Variants in CHEK1 observed in about 807,000 individuals in gnomAD.
CHEK1 encodes serine/threonine-protein kinase Chk1.
CHEK1 carries 32 observed loss-of-function variants against 60.2 expected under a neutral mutation model. That is an observed-to-expected ratio of 0.53 (90% CI 0.40 to 0.71). CHEK1 has a LOEUF of 0.71. Ranked by LOEUF, CHEK1 falls within the 30% of genes least tolerant of loss-of-function variation. The pLI is 0.00. For missense variants in CHEK1, 399 were observed against 564.6 expected (o/e 0.71, Z 2.97); for synonymous variants, 179 against 187.2 (o/e 0.96, Z 0.36).
chr11:125,642,819 AT>A (rs1281720061), intron 8 of CHEK1: 1 of 152,140 alleles, frequency 6.6e-6, no homozygotes, highest in Non-Finnish European at 1.5e-5. Flanking sequence ...TAATGGCTTT[AT>A]TTTTTCTCTG....
chr11:125,669,766 C>T (rs1251555873), intron 13 of CHEK1, among the ~76,000 whole-genome samples: 1 of 151,876 alleles, frequency 6.6e-6, no homozygotes, highest in Non-Finnish European at 1.5e-5. Flanking sequence ...CCTCGTGATC[C>T]ACCCGCCTCG....
chr11:125,630,169 C>T (rs1213227272), intron 5 of CHEK1, among the ~76,000 whole-genome samples: 1 of 152,138 alleles, frequency 6.6e-6, no homozygotes, highest in African/African-American at 2.4e-5. Flanking sequence ...TTCTGAATGT[C>T]ATCAAATTGA....
intron 11 of CHEK1, among the ~76,000 whole-genome samples, chr11:125,650,951 A>G (rs999729744): frequency 4.6e-5 from 7 of 152,164 alleles, no homozygotes; most frequent in South Asian, 2.1e-4. Flanking sequence ...AGCCTTCGCT[A>G]TCTGCTTGTG....
chr11:125,640,608 C>T (rs1041836746), intron 8 of CHEK1, among the ~76,000 whole-genome samples: 1 of 151,854 alleles, frequency 6.6e-6, no homozygotes, highest in Non-Finnish European at 1.5e-5. Context: ...CTCGCTCTGT[C>T]GCCCAGACTG....
downstream of CHEK1, among the ~76,000 whole-genome samples, chr11:125,657,581 TAATA>T (rs1941942747): frequency 6.6e-6 from 1 of 152,234 alleles, no homozygotes; most frequent in Non-Finnish European, 1.5e-5. Context: ...TATTTTTAAT[TAATA>T]TGGTTTTTAT....
intron 8 of CHEK1, among the ~76,000 whole-genome samples, chr11:125,639,341 C>T (rs1384106317): frequency 6.7e-6 from 1 of 150,328 alleles, no homozygotes; most frequent in Non-Finnish European, 1.5e-5. Context: ...ACATCTTTCT[C>T]TGTCCTGTTC....
intron 7 of CHEK1, chr11:125,636,074 G>C (rs1941063115): frequency 6.6e-6 from 1 of 152,090 alleles, no homozygotes; most frequent in African/African-American, 2.4e-5. Flanking sequence ...AAAAAGTATA[G>C]TAAAAATACA....
At chr11:125,679,403 A>G (rs982552172), downstream of CHEK1, among the ~76,000 whole-genome samples, 1 of 151,946 alleles carries the variant, frequency 6.6e-6, no homozygotes. Context: ...TTTTTAGTAG[A>G]GACAGGGTCT....
At chr11:125,630,801 G>C (rs1005771166) in intron 5 of CHEK1, among the ~76,000 whole-genome samples, 5 of 151,906 alleles carry the variant, frequency 3.3e-5, no homozygotes, top group South Asian at 2.1e-4. Flanking sequence ...AACATTATTC[G>C]TATATAAGAA....
At chr11:125,679,505 ACT>A (rs1479968328), downstream of CHEK1, among the ~76,000 whole-genome samples, 2 of 152,216 alleles carry the variant, frequency 1.3e-5, no homozygotes, top group Non-Finnish European at 2.9e-5. Context: ...GGCATGAGCC[ACT>A]GTGTCTGGCC....
intron 13 of CHEK1, among the ~76,000 whole-genome samples, chr11:125,674,260 A>G (rs1008548515): frequency 3.3e-5 from 5 of 152,224 alleles, no homozygotes; most frequent in Admixed American, 6.5e-5. Context: ...ATTACATGCA[A>G]TGGAAAAACC....
downstream of CHEK1, among the ~76,000 whole-genome samples, chr11:125,658,651 T>C (rs1003287735): frequency 5.4e-5 from 8 of 148,950 alleles, no homozygotes; most frequent in East Asian, 6.1e-4. Flanking sequence ...TTGTATGTAA[T>C]CATGTAATCT....
intron 13 of CHEK1, among the ~76,000 whole-genome samples, chr11:125,671,275 C>CA (rs34068545): frequency 5.0e-4 from 75 of 148,834 alleles, no homozygotes; most frequent in South Asian, 1.5e-3. Flanking sequence ...CTTCTCCCTT[C>CA]AAAAAAAAAA....
chr11:125,676,616 G>C, downstream of CHEK1: 1 of 1,114,882 alleles, frequency 9.0e-7, no homozygotes, highest in Non-Finnish European at 1.3e-6. Flanking sequence ...GGGGATCTGG[G>C]CCCTGTGTCT....
chr11:125,638,938 G>A (rs1291784423), intron 8 of CHEK1, among the ~76,000 whole-genome samples: 2 of 152,054 alleles, frequency 1.3e-5, no homozygotes, highest in Non-Finnish European at 2.9e-5. Context: ...AATTTTTTCT[G>A]ACTTCCTCCC....
intron 13 of CHEK1, among the ~76,000 whole-genome samples, chr11:125,674,449 A>G (rs1251088362): frequency 2.6e-5 from 4 of 152,114 alleles, no homozygotes; most frequent in Admixed American, 6.5e-5. Flanking sequence ...TGGAGAAAAC[A>G]TGAAAACATG....
rs181506859 is a variant in CHEK1 at position 125,666,561 on chromosome 11, T to C, written c.*28-9367T>C. 3.9e-5 allele frequency among the ~76,000 whole-genome samples: 6 copies of C among 152,320 alleles called. No homozygotes were observed. In the East Asian group the frequency reaches 1.2e-3, roughly 29 times the overall value. ...TACCTCTGATGTTTCTTTGATGATCTGGATGATCCGTTCACTGCCAAAGTG... is the reference window on the plus strand; with the variant it reads ...TACCTCTGATGTTTCTTTGATGATCCGGATGATCCGTTCACTGCCAAAGTG... On this transcript the variant is annotated intron_variant, in intron 13 of 13. Coordinates refer to the CHEK1 transcript ENST00000428830.
chr11:125,674,686 A>G (rs1310665329), intron 13 of CHEK1, among the ~76,000 whole-genome samples: 2 of 152,204 alleles, frequency 1.3e-5, no homozygotes, highest in Non-Finnish European at 2.9e-5. Context: ...ACCAACCTGG[A>G]TGGGCTACTG....
At chr11:125,648,820 G>C (rs535950024) in intron 11 of CHEK1, among the ~76,000 whole-genome samples, 46 of 152,132 alleles carry the variant, frequency 3.0e-4, no homozygotes, top group Non-Finnish European at 1.0e-4. Flanking sequence ...TATGGTGAAA[G>C]AGTATTGGAT....
Sources: gnomAD v4.1 joint callset for allele counts (sites outside exome capture counted in the v4.1 genomes callset) on GRCh38, gnomAD v4.1.1 for gene constraint, MANE v1.5 for transcripts, NCBI Gene and HGNC (gene_info 2026-07-23, HGNC 2026-07-21) for gene names.